PDZD2: variants seen among roughly 807,000 people sequenced by gnomAD.
PDZD2 encodes PDZ domain-containing protein 2.
In PDZD2, 90 loss-of-function variants were observed where a neutral mutation model predicts 220.7. The observed-to-expected ratio is 0.41, with a 90% CI of 0.34 to 0.49. The LOEUF (loss-of-function observed/expected upper bound fraction) is 0.49. Ranked by LOEUF, PDZD2 falls within the 20% of genes least tolerant of loss-of-function variation. PDZD2 has a pLI of 0.28. For synonymous variants in PDZD2, 1,375 were observed against 1,450.5 expected, an observed-to-expected ratio of 0.95 and a Z score of 1.18; for missense variants, 3,174 against 3,608.5, an observed-to-expected ratio of 0.88 and a Z score of 3.08.
At chr5:32,099,333 G>A (rs940952014) in intron 23 of PDZD2, 1 of 152,258 alleles carries the variant, frequency 6.6e-6, no homozygotes, top group African/African-American at 2.4e-5. Context: ...TATGGGTTAG[G>A]CAGTGCCTTC....
intron 2 of PDZD2, among the ~76,000 whole-genome samples, chr5:31,815,245 CAAAAAAAAAAA>C (rs59040987): frequency 1.7e-5 from 1 of 57,914 alleles, no homozygotes; most frequent in Admixed American, 2.4e-4. Flanking sequence ...AACTCTGTCT[CAAAAAAAAAAA>C]AAAAAAAAAA....
At chr5:31,908,739 G>A in intron 2 of PDZD2, 1 of 993,794 alleles carries the variant, frequency 1.0e-6, no homozygotes, top group Non-Finnish European at 1.5e-6. Context: ...CACATCCTTA[G>A]TAATTTCAAA....
In PDZD2 at chr5:32,091,099, G is replaced by A. The variant is rs966471351; in HGVS notation, c.7651G>A (p.Ala2551Thr). ...AGGAAGTGGCCCTAAAACCAGTGCT[G>A]CTGAGACACCCAGTTCAGCCAGTGA... Reference protein sequence around the residue: ...PGGSGPKTSAAETPSSASDTG... With the variant: ...PGGSGPKTSATETPSSASDTG... Residue 2551 changes from alanine (A) to threonine (T), a missense_variant, in exon 20 of 25, where the codon GCT (alanine) becomes ACT (threonine). Ala to Thr is a moderately conservative substitution (Grantham distance 58). Transcript: ENST00000438447. 2.5e-6 allele frequency: 4 copies of A among 1,605,242 alleles called. No homozygotes were observed. The highest frequency in any genetic ancestry group is 3.4e-6 in the Non-Finnish European group (4 of 1,172,722).
chr5:32,053,304 A>G (rs929220797), intron 9 of PDZD2, among the ~76,000 whole-genome samples: 1 of 152,266 alleles, frequency 6.6e-6, no homozygotes, highest in Non-Finnish European at 1.5e-5. Context: ...CCATTATCAT[A>G]AAGGAAATGA....
At chr5:31,704,943 T>C (rs1747751301) in intron 1 of PDZD2, among the ~76,000 whole-genome samples, 1 of 152,092 alleles carries the variant, frequency 6.6e-6, no homozygotes, top group Non-Finnish European at 1.5e-5. Flanking sequence ...GGCGGGTCAT[T>C]TGAGGCTGGA....
At position 31,763,382 on chromosome 5, in the gene PDZD2, G is replaced by A. The variant is rs537067630; in HGVS notation, c.-360-35507G>A. 2.6e-5 allele frequency among the ~76,000 whole-genome samples: 4 copies of A among 152,118 alleles called. No individual in the cohort carries two copies. In the East Asian group the frequency reaches 7.7e-4, roughly 29 times the overall value. ...CTCAGCCATGAGCCTCTGTCCTTGC[G>A]TGTGTGCAGTTTCTTGTTTAGAACA... is the stretch of plus-strand genomic sequence containing the variant. On this transcript the variant is annotated intron_variant, in intron 1 of 24. Coordinates refer to ENST00000438447, the MANE Select transcript of PDZD2 (RefSeq NM_178140.4).
At chr5:31,958,523 G>A (rs565102489) in intron 2 of PDZD2, among the ~76,000 whole-genome samples, 40 of 152,216 alleles carry the variant, frequency 2.6e-4, no homozygotes, top group Non-Finnish European at 4.6e-4. Context: ...CCAAAGTGCC[G>A]GGATTACAGG....
Position 31,810,459 on chromosome 5 carries a change from G to A in PDZD2, c.476+10735G>A, listed in dbSNP as rs552587487. ...TTGTATATTTTTTAGTAGAGACGGG[G>A]TTTCACTGTGTTACCCAGGATGGTC... On this transcript the variant is annotated intron_variant, in intron 2 of 24. Coordinates refer to ENST00000438447, the MANE Select transcript of PDZD2 (RefSeq NM_178140.4). Among the ~76,000 whole-genome samples the A allele has an allele frequency of 2.0e-5, 3 of 152,190 alleles. No homozygotes were observed. The East Asian group carries it at 5.8e-4, about 29-fold the overall frequency.
chr5:32,066,966 T>C (rs283128), intron 14 of PDZD2, among the ~76,000 whole-genome samples: 66,473 of 152,084 alleles, frequency 0.44, 15,386 homozygotes, highest in African/African-American at 0.61. Flanking sequence ...CTGGATTTCA[T>C]GTTTCTTCCT....
intron 6 of PDZD2, among the ~76,000 whole-genome samples, chr5:32,010,989 T>A (rs1248037411): frequency 1.1e-5 from 1 of 94,854 alleles, no homozygotes; most frequent in Non-Finnish European, 2.0e-5. Flanking sequence ...AGAGCGAGAC[T>A]CCCTCTCCAA....
intron 1 of PDZD2, chr5:31,787,792 CT>C (rs997679489): frequency 2.6e-5 from 4 of 152,172 alleles, no homozygotes; most frequent in Admixed American, 6.5e-5. Flanking sequence ...CTCTCATCCC[CT>C]AAAACCTCAG....
chr5:32,101,120 T>C lies in PDZD2; in HGVS notation c.8234T>C (p.Val2745Ala). 6.2e-7 allele frequency: 1 copy of C among 1,614,164 alleles called. No homozygotes were observed. The highest frequency in any genetic ancestry group is 8.5e-7 in the Non-Finnish European group (1 of 1,179,984). Residue 2745 changes from valine (V) to alanine (A), a missense_variant, in exon 24 of 25, where the codon GTA (valine) becomes GCA (alanine). Val to Ala is a moderately conservative substitution (Grantham distance 64). Coordinates refer to ENST00000438447, the MANE Select transcript of PDZD2 (RefSeq NM_178140.4). ...GCGGCTGCAGGGAGAAGTGTGGCTG[T>C]ACACGATGCTCTGTGTGTTGAAGTG... Reference protein sequence around the residue: ...LEPGIGRSVAVHDALCVEVLK... With the variant: ...LEPGIGRSVAAHDALCVEVLK...
intron 2 of PDZD2, among the ~76,000 whole-genome samples, chr5:31,958,176 T>C (rs990052115): frequency 6.6e-6 from 1 of 152,270 alleles, no homozygotes; most frequent in African/African-American, 2.4e-5. Context: ...TCTTTGGTCT[T>C]ACGTATTAAT....
At chr5:32,065,331 T>A (rs2112361212) in intron 14 of PDZD2, among the ~76,000 whole-genome samples, 1 of 152,312 alleles carries the variant, frequency 6.6e-6, no homozygotes, top group Non-Finnish European at 1.5e-5. Flanking sequence ...TTCTTACCCA[T>A]GCCTGTCATA....
chr5:31,996,844 G>A (rs1179499576), intron 4 of PDZD2, among the ~76,000 whole-genome samples: 1 of 152,170 alleles, frequency 6.6e-6, no homozygotes, highest in Non-Finnish European at 1.5e-5. Flanking sequence ...CACTGTGCCA[G>A]TGTACGCCAG....
chr5:31,740,340 G>A (rs1480983716), intron 1 of PDZD2, among the ~76,000 whole-genome samples: 2 of 144,450 alleles, frequency 1.4e-5, no homozygotes, highest in Admixed American at 7.1e-5. Flanking sequence ...CTAACATGGT[G>A]AAACCCCATC....
At chr5:31,782,197 T>A (rs1864120) in intron 1 of PDZD2, among the ~76,000 whole-genome samples, 1 of 151,808 alleles carries the variant, frequency 6.6e-6, no homozygotes, top group Non-Finnish European at 1.5e-5. Flanking sequence ...AGGGTTGCCA[T>A]ATAAAATACC....
intron 13 of PDZD2, 135 bp downstream of exon 13, chr5:32,059,491 T>C (rs886974383): frequency 8.0e-6 from 4 of 499,922 alleles, no homozygotes; most frequent in Non-Finnish European, 1.4e-5. Flanking sequence ...TAGCCAAGAC[T>C]ACAATTAATA....
chr5:31,840,014 A>C (rs1757168435), intron 2 of PDZD2, among the ~76,000 whole-genome samples: 1 of 152,106 alleles, frequency 6.6e-6, no homozygotes, highest in Non-Finnish European at 1.5e-5. Flanking sequence ...ACCCAGTCCC[A>C]GGCAGTTCTT....
Sources: allele counts gnomAD v4.1 joint callset (sites outside exome capture counted in the v4.1 genomes callset), GRCh38; gene constraint gnomAD v4.1.1; transcripts MANE v1.5; gene names NCBI Gene and HGNC (gene_info 2026-07-23, HGNC 2026-07-21).